The following RBFOX2 variants were observed in gnomAD, a reference collection of about 807,000 sequenced individuals.
RBFOX2 encodes RNA binding protein fox-1 homolog 2.
Under a neutral mutation model 49.1 loss-of-function variants are expected in RBFOX2, and 10 were observed. The observed-to-expected ratio is 0.20, with a 90% confidence interval of 0.13 to 0.35. RBFOX2 has a LOEUF of 0.35. Ranked by LOEUF, RBFOX2 falls within the 10% of genes least tolerant of loss-of-function variation. The pLI, the probability that RBFOX2 is intolerant of heterozygous loss-of-function variation, is 1.00. For synonymous variants in RBFOX2, 183 were observed against 187.4 expected, an observed-to-expected ratio of 0.98 and a Z score of 0.19; for missense variants, 323 against 486.9, an observed-to-expected ratio of 0.66 and a Z score of 3.17.
intron 1 of RBFOX2, among the ~76,000 whole-genome samples, chr22:35,891,899 G>A (rs1396311564): frequency 2.0e-5 from 3 of 150,630 alleles, no homozygotes; most frequent in Non-Finnish European, 4.4e-5. Context: ...TTCTCCATCA[G>A]GAGGCAACCT....
chr22:35,892,984 C>A (rs1363601858), intron 1 of RBFOX2, among the ~76,000 whole-genome samples: 2 of 152,208 alleles, frequency 1.3e-5, no homozygotes, highest in Non-Finnish European at 2.9e-5. Context: ...TGTATCTGGG[C>A]ATTATTCGCT....
chr22:35,757,434 G>C lies in RBFOX2; in HGVS notation c.887+2454C>G, dbSNP rs149971130. 3.6e-3 allele frequency among the ~76,000 whole-genome samples: 544 copies of C among 152,168 alleles called. 4 individuals carry two copies. The highest frequency in any genetic ancestry group is 0.012 in the African/African-American group (507 of 41,538). Reference sequence around the variant, plus strand: ...AAGATCAGATTGTTTTAATTTAGATGATCTGTTTATTGGTTATTCAACTAA... The same window carrying C: ...AAGATCAGATTGTTTTAATTTAGATCATCTGTTTATTGGTTATTCAACTAA... On this transcript the variant is annotated intron_variant, in intron 9 of 11. Coordinates refer to ENST00000405409, the Ensembl canonical transcript of RBFOX2.
chr22:35,822,031 C>A (rs1006173456), intron 1 of RBFOX2: 2 of 503,092 alleles, frequency 4.0e-6, no homozygotes, highest in African/African-American at 3.9e-5. Flanking sequence ...AGGCCTATTA[C>A]AAAGAGAGGG....
intron 1 of RBFOX2, among the ~76,000 whole-genome samples, chr22:35,883,917 C>T (rs771174828): frequency 6.6e-6 from 1 of 151,836 alleles, no homozygotes; most frequent in Non-Finnish European, 1.5e-5. Flanking sequence ...CTTAAAAGTC[C>T]ACTGCCCAGT....
At chr22:35,996,197 A>T (rs2058182626) in intron 1 of RBFOX2, 1 of 152,236 alleles carries the variant, frequency 6.6e-6, no homozygotes, top group Non-Finnish European at 1.5e-5. Flanking sequence ...TGATTCACCA[A>T]TAAAAACCTC....
intron 1 of RBFOX2, among the ~76,000 whole-genome samples, chr22:35,813,712 T>C (rs892615069): frequency 1.3e-5 from 2 of 151,828 alleles, no homozygotes; most frequent in African/African-American, 2.4e-5. Flanking sequence ...TCCTGTACAA[T>C]GTAGAATCCC....
upstream of RBFOX2, among the ~76,000 whole-genome samples, chr22:35,940,948 G>C (rs1443663879): frequency 6.6e-6 from 1 of 152,062 alleles, no homozygotes; most frequent in African/African-American, 2.4e-5. Context: ...GACTGCTAAC[G>C]GCTACCAGGT....
At chr22:35,953,916 T>C (rs2055251349) in intron 1 of RBFOX2, among the ~76,000 whole-genome samples, 1 of 152,214 alleles carries the variant, frequency 6.6e-6, no homozygotes, top group African/African-American at 2.4e-5. Context: ...CCCAAAAAGA[T>C]AAAATGTTTC....
rs561195548 is a variant in RBFOX2, at chr22:35,911,515, T to C, written c.-34+27332A>G. ...CAACAAGAGTAAAGGTATTTTAATA[T>C]ACAGGATACCACATTCTCTAATCAG... On this transcript the variant is annotated intron_variant, in intron 1 of 13. Transcript: ENST00000359369. Among the ~76,000 whole-genome samples the C allele has an allele frequency of 4.5e-4, 68 of 152,308 alleles. No individual in the cohort carries two copies. The South Asian group carries it at 0.014, about 31-fold the overall frequency.
intron 2 of RBFOX2, among the ~76,000 whole-genome samples, chr22:35,788,257 G>C (rs1046183839): frequency 7.9e-5 from 12 of 152,148 alleles, no homozygotes; most frequent in African/African-American, 2.7e-4. Flanking sequence ...ACAAGATTAA[G>C]TATAACTTTC....
upstream of RBFOX2, among the ~76,000 whole-genome samples, chr22:35,844,376 A>G (rs773244875): frequency 1.3e-5 from 2 of 152,232 alleles, no homozygotes; most frequent in Non-Finnish European, 2.9e-5. Flanking sequence ...TACTCTAGCC[A>G]TTTATTTATT....
At chr22:35,898,052 G>A (rs1041796856) in intron 1 of RBFOX2, 2 of 728,602 alleles carry the variant, frequency 2.7e-6, no homozygotes, top group Non-Finnish European at 5.1e-6. Context: ...TCCACTACTC[G>A]TCAGATAGAA....
chr22:35,780,567 T>C (rs1340409187), intron 3 of RBFOX2, among the ~76,000 whole-genome samples: 1 of 152,124 alleles, frequency 6.6e-6, no homozygotes, highest in Non-Finnish European at 1.5e-5. Context: ...AAAGAATACA[T>C]CAGAGGTAGC....
At chr22:35,809,706 A>C (rs765612072) in intron 2 of RBFOX2, 74 bp downstream of exon 3, 9 of 1,481,202 alleles carry the variant, frequency 6.1e-6, no homozygotes, top group African/African-American at 2.8e-5. Flanking sequence ...GAGTCTTCTA[A>C]TTGTATAATT....
At chr22:35,907,495 G>A (rs1313028840) in intron 1 of RBFOX2, among the ~76,000 whole-genome samples, 3 of 152,206 alleles carry the variant, frequency 2.0e-5, no homozygotes, top group South Asian at 2.1e-4. Flanking sequence ...ATATTAGCCT[G>A]GACTGCCTAA....
chr22:35,781,681 C>A lies in RBFOX2; in HGVS notation c.318G>T (p.Glu106Asp), dbSNP rs767101399. 4 of 1,614,210 alleles carry A rather than the reference C, an allele frequency of 2.5e-6. No homozygotes were observed. In the South Asian group the frequency reaches 4.4e-5, roughly 18 times the overall value. The change falls in exon 3 of 12, where the codon GAG becomes GAT. Residue 106 changes from glutamate to aspartate, a missense_variant. Physicochemically the swap from Glu to Asp is conservative, Grantham distance 45. Coordinates refer to ENST00000405409, the Ensembl canonical transcript of RBFOX2. Reference sequence around the variant, plus strand: ...GCAGCCGTTTCGGGGTAGATTTACTCTCTGAATTTTCACTACTTTGTGTCT... The same window carrying A: ...GCAGCCGTTTCGGGGTAGATTTACTATCTGAATTTTCACTACTTTGTGTCT...
intron 1 of RBFOX2, among the ~76,000 whole-genome samples, chr22:35,868,652 G>A (rs2065523166): frequency 6.6e-6 from 1 of 152,058 alleles, no homozygotes; most frequent in African/African-American, 2.4e-5. Context: ...CACTAAGTAT[G>A]GGCACTAGTT....
chr22:35,909,907 C>T (rs992963246), intron 1 of RBFOX2, among the ~76,000 whole-genome samples: 1 of 152,130 alleles, frequency 6.6e-6, no homozygotes, highest in African/African-American at 2.4e-5. Flanking sequence ...GCCACTGTGC[C>T]GGGCCTTACT....
chr22:35,766,800 G>C (rs1417694921), intron 5 of RBFOX2, among the ~76,000 whole-genome samples: 1 of 152,114 alleles, frequency 6.6e-6, no homozygotes, highest in East Asian at 1.9e-4. Context: ...AAGCAACCAA[G>C]CACTTAAAAG....
Sources: gnomAD v4.1 joint callset for allele counts (sites outside exome capture counted in the v4.1 genomes callset) on GRCh38, gnomAD v4.1.1 for gene constraint, MANE v1.5 for transcripts, NCBI Gene and HGNC (gene_info 2026-07-23, HGNC 2026-07-21) for gene names.